The following MAP3K7CL variants were observed in gnomAD, a reference collection of about 807,000 sequenced individuals.
MAP3K7CL encodes the protein MAP3K7 C-terminal like.
In MAP3K7CL, 16 loss-of-function variants were observed where a neutral mutation model predicts 18.6. The observed-to-expected ratio is 0.86, with a 90% confidence interval of 0.58 to 1.31. MAP3K7CL has a LOEUF of 1.31. Among genes scored for constraint, MAP3K7CL ranks in the 50% most tolerant of loss-of-function variants. The pLI is 0.00. For missense variants in MAP3K7CL, 163 were observed against 174.4 expected (o/e 0.93, Z 0.37); for synonymous variants, 65 against 66.8 (o/e 0.97, Z 0.13).
chr21:29,155,016 A>C lies in MAP3K7CL; in HGVS notation c.133-4925A>C, dbSNP rs114168497. ...AAATGACTTAAATATACTTTACTCCAGTGTAACATGATGTATAAGTTCTGT... is the reference window on the plus strand; with the variant it reads ...AAATGACTTAAATATACTTTACTCCCGTGTAACATGATGTATAAGTTCTGT... On this transcript the variant is annotated intron_variant, in intron 3 of 4. Transcript: ENST00000399928. 3.2e-3 allele frequency among the ~76,000 whole-genome samples: 486 copies of C among 152,312 alleles called. 1 individual carries two copies. The highest frequency in any genetic ancestry group is 0.011 in the African/African-American group (440 of 41,566).
intron 4 of MAP3K7CL, among the ~76,000 whole-genome samples, chr21:29,112,139 T>C (rs1047824126): frequency 2.0e-5 from 3 of 151,812 alleles, no homozygotes; most frequent in Non-Finnish European, 2.9e-5. Flanking sequence ...TCTACTAAAA[T>C]ACAAAAAAAT....
chr21:29,164,433 A>G (rs1005657341), intron 4 of MAP3K7CL, among the ~76,000 whole-genome samples: 1 of 152,194 alleles, frequency 6.6e-6, no homozygotes, highest in Non-Finnish European at 1.5e-5. Flanking sequence ...GCAAAGAGAG[A>G]CGCTAACTAA....
intron 4 of MAP3K7CL, among the ~76,000 whole-genome samples, chr21:29,167,321 T>C (rs2087712541): frequency 6.6e-6 from 1 of 152,214 alleles, no homozygotes; most frequent in African/African-American, 2.4e-5. Flanking sequence ...GGGGTTTTCA[T>C]ATGAGGCTAT....
chr21:29,160,852 A>T (rs1049775317), intron 4 of MAP3K7CL, among the ~76,000 whole-genome samples: 1 of 152,226 alleles, frequency 6.6e-6, no homozygotes, highest in African/African-American at 2.4e-5. Flanking sequence ...AGATTCCTGG[A>T]GCCTGGTATG....
chr21:29,163,585 A>T (rs2087606912), intron 4 of MAP3K7CL, among the ~76,000 whole-genome samples: 1 of 152,100 alleles, frequency 6.6e-6, no homozygotes, highest in Admixed American at 6.5e-5. Context: ...CTCATCCCTC[A>T]ACTTCAGCTA....
intron 1 of MAP3K7CL, among the ~76,000 whole-genome samples, chr21:29,090,510 A>G (rs540781686): frequency 2.0e-5 from 3 of 152,070 alleles, no homozygotes; most frequent in Middle Eastern, 3.4e-3. Context: ...CCTCCCGAGT[A>G]GCTGGGACTA....
Position 29,155,769 on chromosome 21 carries a change from A to G in MAP3K7CL, c.133-4172A>G, listed in dbSNP as rs375906239. 2.4e-4 allele frequency among the ~76,000 whole-genome samples: 36 copies of G among 152,266 alleles called. No homozygotes were observed. The East Asian group carries it at 6.8e-3, about 29-fold the overall frequency. ...AGCGGGAGGAGGCGGAGATGGAGGA[A>G]AAGTGGGCGAGGAGGAAGTATCTCC... On this transcript the variant is annotated intron_variant, in intron 3 of 4. Transcript: ENST00000399928.
intron 4 of MAP3K7CL, among the ~76,000 whole-genome samples, chr21:29,093,469 TTTTGTTTG>T (rs777312101): frequency 3.3e-5 from 5 of 151,842 alleles, no homozygotes; most frequent in African/African-American, 1.2e-4. Context: ...ACCTAGGTTT[TTTTGTTTG>T]TTTGTTTGTT....
At chr21:29,118,549 T>G (rs1345000004) in intron 4 of MAP3K7CL, among the ~76,000 whole-genome samples, 1 of 152,150 alleles carries the variant, frequency 6.6e-6, no homozygotes, top group African/African-American at 2.4e-5. Flanking sequence ...ACTCAGTGCA[T>G]TAGCAGGAGA....
chr21:29,152,217 A>G (rs2087292717), intron 3 of MAP3K7CL, among the ~76,000 whole-genome samples: 1 of 152,240 alleles, frequency 6.6e-6, no homozygotes, highest in South Asian at 2.1e-4. Flanking sequence ...GAGTGACTAA[A>G]CAGCAAGACG....
intron 4 of MAP3K7CL, among the ~76,000 whole-genome samples, chr21:29,108,550 T>G (rs2086364429): frequency 1.3e-5 from 2 of 152,230 alleles, no homozygotes; most frequent in African/African-American, 4.8e-5. Context: ...AAAATACATA[T>G]TTCCCTGTGC....
intron 1 of MAP3K7CL, among the ~76,000 whole-genome samples, chr21:29,091,212 A>C (rs913324399): frequency 6.6e-6 from 1 of 152,202 alleles, no homozygotes; most frequent in Admixed American, 6.5e-5. Flanking sequence ...AACCAGCAGA[A>C]AACAGTGTAT....
intron 4 of MAP3K7CL, among the ~76,000 whole-genome samples, chr21:29,124,019 A>G (rs1261019012): frequency 2.0e-5 from 3 of 152,196 alleles, no homozygotes; most frequent in African/African-American, 7.2e-5. Flanking sequence ...ATTAAAGGAA[A>G]TTTATTCTTT....
At chr21:29,167,357 T>C (rs1208580947) in intron 4 of MAP3K7CL, among the ~76,000 whole-genome samples, 1 of 152,198 alleles carries the variant, frequency 6.6e-6, no homozygotes, top group African/African-American at 2.4e-5. Context: ...ACTTATATTG[T>C]CATGTCTTTT....
At chr21:29,102,190 G>A (rs1453110671) in intron 4 of MAP3K7CL, among the ~76,000 whole-genome samples, 4 of 152,228 alleles carry the variant, frequency 2.6e-5, no homozygotes, top group Non-Finnish European at 4.4e-5. Flanking sequence ...GGAACAGAGT[G>A]TGGCGAACTG....
chr21:29,154,863 G>A (rs2087362179), intron 3 of MAP3K7CL, among the ~76,000 whole-genome samples: 2 of 152,122 alleles, frequency 1.3e-5, no homozygotes. Flanking sequence ...AGATACTTTG[G>A]AGCTTTTCAA....
intron 1 of MAP3K7CL, among the ~76,000 whole-genome samples, chr21:29,131,762 T>G (rs538665021): frequency 6.6e-6 from 1 of 152,356 alleles, no homozygotes; most frequent in East Asian, 1.9e-4. Flanking sequence ...AAGCCTGATC[T>G]TTTTTCATAT....
chr21:29,150,726 CT>C (rs1295693488), intron 3 of MAP3K7CL, among the ~76,000 whole-genome samples: 1 of 149,350 alleles, frequency 6.7e-6, no homozygotes, highest in East Asian at 2.0e-4. Flanking sequence ...ACCAATATGT[CT>C]TCTTTTCAGC....
intron 2 of MAP3K7CL, among the ~76,000 whole-genome samples, chr21:29,143,115 T>G (rs768120709): frequency 6.6e-6 from 1 of 152,204 alleles, no homozygotes; most frequent in Non-Finnish European, 1.5e-5. Context: ...AGAATCAACT[T>G]CATAATTTGC....
Sources: gnomAD v4.1 joint callset for allele counts (sites outside exome capture counted in the v4.1 genomes callset) on GRCh38, gnomAD v4.1.1 for gene constraint, MANE v1.5 for transcripts, NCBI Gene and HGNC (gene_info 2026-07-23, HGNC 2026-07-21) for gene names.